DPYD: variants seen among roughly 807,000 people sequenced by gnomAD.
DPYD encodes the protein dihydropyrimidine dehydrogenase [NADP(+)].
DPYD carries 109 observed loss-of-function variants against 116.2 expected under a neutral mutation model. The ratio of observed to expected loss-of-function variants is 0.94; its 90% CI spans 0.80 to 1.10. The LOEUF (loss-of-function observed/expected upper bound fraction) is 1.10, where lower values mean the gene tolerates loss of function less well. DPYD is among the 50% of genes least tolerant of loss of function. DPYD has a pLI of 0.00. For missense variants in DPYD, 1,302 were observed against 1,254.5 expected (o/e 1.04, Z -0.57); for synonymous variants, 440 against 432.0 (o/e 1.02, Z -0.23).
At chr1:97,278,186 C>A (rs1484462684) in intron 18 of DPYD, among the ~76,000 whole-genome samples, 3 of 152,110 alleles carry the variant, frequency 2.0e-5, no homozygotes, top group Non-Finnish European at 2.9e-5. Context: ...TAAAATGTTT[C>A]TTTCTGTCTT....
At chr1:97,538,103 A>G (rs551382083) in intron 12 of DPYD, among the ~76,000 whole-genome samples, 1 of 152,122 alleles carries the variant, frequency 6.6e-6, no homozygotes, top group African/African-American at 2.4e-5. Context: ...GTGATGCTGA[A>G]TTGTACCTCA....
chr1:97,755,113 T>C (rs971546230), intron 3 of DPYD, among the ~76,000 whole-genome samples: 3 of 152,104 alleles, frequency 2.0e-5, no homozygotes, highest in Non-Finnish European at 4.4e-5. Context: ...AACCCGGTTC[T>C]CCCCTCTTTC....
intron 13 of DPYD, among the ~76,000 whole-genome samples, chr1:97,467,630 T>G (rs958462344): frequency 2.0e-5 from 3 of 152,194 alleles, no homozygotes; most frequent in Admixed American, 6.5e-5. Flanking sequence ...GCTATCAGGT[T>G]GTCAGTGTTT....
In DPYD at chr1:97,515,897, G is replaced by A. The variant is rs1371547787; in HGVS notation, c.1569C>T (p.Leu523=). The A allele has an allele frequency of 1.9e-6, 3 of 1,612,876 alleles. No individual in the cohort carries two copies. The highest frequency in any genetic ancestry group is 2.5e-6 in the Non-Finnish European group (3 of 1,179,210). Reference sequence around the variant, plus strand: ...CCACCAGATCAATAGGAGTGTAAAAGAGGGGTAGTTCAGGCTTGGCAGAAA... The same window carrying A: ...CCACCAGATCAATAGGAGTGTAAAAAAGGGGTAGTTCAGGCTTGGCAGAAA... ...ASVSAKPELP[L]FYTPIDLVDI... Residue 523 remains leucine (L), a synonymous_variant, in exon 13 of 23, where the codon CTC becomes CTT. Coordinates refer to ENST00000370192, the MANE Select transcript of DPYD (RefSeq NM_000110.4).
At chr1:97,870,773 G>A (rs9661794) in intron 2 of DPYD, among the ~76,000 whole-genome samples, 110,178 of 151,682 alleles carry the variant, frequency 0.73, 40,655 homozygotes, top group East Asian at 0.93. Flanking sequence ...AGATGTCAAA[G>A]TGCTCCCTCT....
At chr1:97,645,052 A>G (rs1055972762) in intron 8 of DPYD, among the ~76,000 whole-genome samples, 2 of 152,146 alleles carry the variant, frequency 1.3e-5, no homozygotes, top group African/African-American at 4.8e-5. Flanking sequence ...AAGATCTTTA[A>G]TATTTTTAAA....
At chr1:97,502,002 T>C (rs1679614172) in intron 13 of DPYD, among the ~76,000 whole-genome samples, 1 of 152,066 alleles carries the variant, frequency 6.6e-6, no homozygotes, top group Admixed American at 6.6e-5. Context: ...ATATAAAATA[T>C]TTTCCATTAT....
chr1:97,632,802 C>A (rs566296904), intron 8 of DPYD, among the ~76,000 whole-genome samples: 2 of 152,114 alleles, frequency 1.3e-5, no homozygotes, highest in East Asian at 3.9e-4. Context: ...TATAAACTAT[C>A]CTCAGATAAA....
chr1:97,629,796 T>G (rs1039694441), intron 8 of DPYD, among the ~76,000 whole-genome samples: 3 of 152,106 alleles, frequency 2.0e-5, no homozygotes, highest in Non-Finnish European at 4.4e-5. Context: ...TAGACAATGC[T>G]ATGATCTATG....
intron 8 of DPYD, among the ~76,000 whole-genome samples, chr1:97,638,380 T>C (rs1469695190): frequency 2.0e-5 from 3 of 152,056 alleles, no homozygotes; most frequent in Admixed American, 6.6e-5. Context: ...TTTGCACATG[T>C]GGGTACTTGT....
At chr1:97,094,133 T>A (rs1164914285) in intron 21 of DPYD, among the ~76,000 whole-genome samples, 1 of 152,070 alleles carries the variant, frequency 6.6e-6, no homozygotes, top group Non-Finnish European at 1.5e-5. Flanking sequence ...CATTCATTCC[T>A]CAAATTATCA....
intron 14 of DPYD, among the ~76,000 whole-genome samples, chr1:97,415,176 T>G (rs1674223199): frequency 6.6e-6 from 1 of 152,030 alleles, no homozygotes; most frequent in South Asian, 2.1e-4. Context: ...CTCTAGGACA[T>G]TGGTAGAATG....
intron 18 of DPYD, among the ~76,000 whole-genome samples, chr1:97,284,745 ACT>A (rs1391771106): frequency 1.3e-5 from 2 of 151,838 alleles, no homozygotes; most frequent in Non-Finnish European, 2.9e-5. Context: ...AATTTTGATT[ACT>A]CTGTCATATT....
chr1:97,502,370 T>C (rs533348185), intron 13 of DPYD, among the ~76,000 whole-genome samples: 14 of 152,172 alleles, frequency 9.2e-5, no homozygotes, highest in Non-Finnish European at 1.6e-4. Context: ...AGAACAGTTA[T>C]TGAAAGGCCA....
chr1:97,187,103 T>C (rs1161747932), intron 20 of DPYD, among the ~76,000 whole-genome samples: 2 of 152,176 alleles, frequency 1.3e-5, no homozygotes, highest in East Asian at 1.9e-4. Flanking sequence ...AATAGTAGGA[T>C]TGCTGAGGTG....
chr1:97,807,580 C>A (rs1571391099), intron 3 of DPYD, among the ~76,000 whole-genome samples: 1 of 151,904 alleles, frequency 6.6e-6, no homozygotes, highest in East Asian at 1.9e-4. Flanking sequence ...TTTAACCAGT[C>A]TGTAGCTTAT....
At position 97,594,910 on chromosome 1, in the gene DPYD, G is replaced by A. The variant is rs139519651; in HGVS notation, c.958+149C>T. 497 of 610,658 alleles carry A rather than the reference G, an allele frequency of 8.1e-4. 3 individuals are homozygous for A. In the African/African-American group the frequency reaches 8.4e-3, roughly 10 times the overall value. 37.8% of individuals were successfully genotyped at this position (610,658 alleles called of 1,614,324 possible). ...ATGATTCTGGCAAACTGTTATACCC[G>A]GCCTTTTTTTTTTTAATTTTACATT... On this transcript the variant is annotated intron_variant, in intron 9 of 22. Coordinates refer to ENST00000370192, the MANE Select transcript of DPYD (RefSeq NM_000110.4).
rs190946130 is a variant in DPYD, at chr1:97,230,467, A to G, written c.2442+4385T>C. 2.6e-3 allele frequency among the ~76,000 whole-genome samples: 391 copies of G among 152,240 alleles called. 1 individual carries two copies. Among genetic ancestry groups the G allele is most frequent in the African/African-American group, 8.9e-3 (371 of 41,532 alleles). On this transcript the variant is annotated intron_variant, in intron 19 of 22. Coordinates refer to ENST00000370192, the MANE Select transcript of DPYD (RefSeq NM_000110.4). Reference sequence around the variant, plus strand: ...ATGAACACATAGAGGGGAATGACACACACTGGGGCCTATGAGAGGGTGAAG... The same window carrying G: ...ATGAACACATAGAGGGGAATGACACGCACTGGGGCCTATGAGAGGGTGAAG...
At chr1:97,629,922 T>C (rs1657153580) in intron 8 of DPYD, among the ~76,000 whole-genome samples, 1 of 152,070 alleles carries the variant, frequency 6.6e-6, no homozygotes, top group South Asian at 2.1e-4. Context: ...ATTTCTAAAA[T>C]ATCATAATTT....
Sources: gnomAD v4.1 joint callset for allele counts (sites outside exome capture counted in the v4.1 genomes callset) on GRCh38, gnomAD v4.1.1 for gene constraint, MANE v1.5 for transcripts, NCBI Gene and HGNC (gene_info 2026-07-23, HGNC 2026-07-21) for gene names.